The following NTSR2 variants were observed in gnomAD, a reference collection of about 807,000 sequenced individuals.
NTSR2 encodes neurotensin receptor type 2.
In NTSR2, 22 loss-of-function variants were observed where a neutral mutation model predicts 24.1. The ratio of observed to expected loss-of-function variants is 0.91; its 90% CI spans 0.65 to 1.30. NTSR2 has a LOEUF of 1.30. NTSR2 is among the 50% of genes most tolerant of loss of function. The pLI, the probability that NTSR2 is intolerant of heterozygous loss-of-function variation, is 0.00. For missense variants in NTSR2, 570 were observed against 570.4 expected (o/e 1.00, Z 0.01); for synonymous variants, 291 against 267.0 (o/e 1.09, Z -0.88).
intron 1 of NTSR2, among the ~76,000 whole-genome samples, chr2:11,663,136 A>G (rs1661116490): frequency 1.3e-5 from 2 of 152,248 alleles, no homozygotes; most frequent in African/African-American, 4.8e-5. Context: ...ACAATTTTTG[A>G]CATGCAAATT....
At chr2:11,660,015 T>A in intron 3 of NTSR2, 28 bp downstream of exon 3, 1 of 1,596,290 alleles carries the variant, frequency 6.3e-7, no homozygotes, top group East Asian at 2.2e-5. Context: ...CCCCTCCCTG[T>A]GTGCTAGGGT....
Position 11,665,066 on chromosome 2 carries a change from T to G in NTSR2, c.625-2826A>C, listed in dbSNP as rs868293066. 3.7e-3 allele frequency among the ~76,000 whole-genome samples: 550 copies of G among 147,348 alleles called. 2 individuals carry two copies. Among genetic ancestry groups the G allele is most frequent in the African/African-American group, 0.011 (441 of 39,184 alleles). On this transcript the variant is annotated intron_variant, in intron 1 of 3. Transcript: ENST00000306928. ...GGCACTTTGGCACTGTTTTTTTTTT[T>G]TTTTTTTTTTTTTTTTTCCAAGCTT...
At position 11,670,148 on chromosome 2, in the gene NTSR2, G is replaced by T. The variant is rs1661306624; in HGVS notation, c.-19C>A. On this transcript the variant is annotated 5_prime_UTR_variant, in exon 1 of 4. Coordinates refer to ENST00000306928, the MANE Select transcript of NTSR2 (RefSeq NM_012344.4). ...TTTCCATCCCGCTCCCGCGGCCGGC[G>T]CTCCCTCCCTCTCACTGCCCGGAGT... The T allele has an allele frequency of 2.2e-6, 3 of 1,363,906 alleles. No homozygotes were observed. Among genetic ancestry groups the T allele is most frequent in the South Asian group, 1.8e-5 (1 of 55,708 alleles). The allele number at this position is 1,363,906 out of a possible 1,614,324, so 84.5% of individuals were successfully genotyped here. A position where few individuals can be genotyped will look rare whatever the true frequency, so the allele number is the denominator to read the frequency against.
Position 11,669,748 on chromosome 2 carries a change from C to T in NTSR2, c.382G>A (p.Gly128Ser). 1.3e-6 allele frequency: 2 copies of T among 1,537,310 alleles called. No homozygotes were observed. The highest frequency in any genetic ancestry group is 1.7e-6 in the Non-Finnish European group (2 of 1,148,056). The change falls in exon 1 of 4, where the codon GGC becomes AGC. Residue 128 changes from glycine (G) to serine (S), a missense_variant. Transcript: ENST00000306928. ...CAYATVLSVA[G>S]LSAERCLAVC... ...GCTAGGCAGCGCTCGGCGCTCAGGC[C>T]TGCCACGCTCAGCACCGTGGCGTAG...
chr2:11,669,459 C>CGGGGGGGGGGGGGGGGGGGGGGGGGG, intron 1 of NTSR2, 47 bp downstream of exon 1: 7 of 337,896 alleles, frequency 2.1e-5, no homozygotes, highest in Admixed American at 4.9e-5. Flanking sequence ...CTCCCAGCAC[C>CGGGGGGGGGGGGGGGGGGGGGGGGGG]GCCCCCCCAC....
At chr2:11,669,411 T>G in intron 1 of NTSR2, 95 bp downstream of exon 1, 3 of 968,390 alleles carry the variant, frequency 3.1e-6, no homozygotes, top group Admixed American at 3.8e-5. Flanking sequence ...AGCATTAGAG[T>G]CGAAAATGTC....
chr2:11,665,240 T>C (rs532835716), intron 1 of NTSR2: 9 of 152,308 alleles, frequency 5.9e-5, no homozygotes, highest in African/African-American at 1.7e-4. Flanking sequence ...TGAGCGGCAA[T>C]GCGCTGGCTC....
Position 11,669,898 on chromosome 2 carries a change from C to G in NTSR2, c.232G>C (p.Ala78Pro). ...LRHHVLSLAL[A>P]GLLLLLVGVP... ...CCGACCAGCAGCAGCAGCAGGCCCGCGAGCGCCAGGCTGAGCACGTGGTGG... is the reference window on the plus strand; with the variant it reads ...CCGACCAGCAGCAGCAGCAGGCCCGGGAGCGCCAGGCTGAGCACGTGGTGG... The change falls in exon 1 of 4, where the codon GCG (alanine) becomes CCG (proline). Residue 78 changes from alanine (A) to proline (P), a missense_variant. Ala to Pro is a conservative substitution (Grantham distance 27, BLOSUM62 -1). Coordinates refer to ENST00000306928, the MANE Select transcript of NTSR2 (RefSeq NM_012344.4). 1 of 1,572,682 alleles carries G rather than the reference C, an allele frequency of 6.4e-7. No homozygotes were observed.
Position 11,658,413 on chromosome 2 carries a change from C to A in NTSR2, c.*66G>T. 1.3e-6 allele frequency: 2 copies of A among 1,525,820 alleles called. No individual in the cohort carries two copies. The highest frequency in any genetic ancestry group is 2.6e-5 in the South Asian group (2 of 75,660). The allele number at this position is 1,525,820 out of a possible 1,614,324, so 94.5% of individuals were successfully genotyped here. A position where few individuals can be genotyped will look rare whatever the true frequency, so the allele number is the denominator to read the frequency against. ...TTGAATGATTAGTGATGAGGTTGCT[C>A]ACCTGCTTTGCCAGGTGACTAAGCA... is the stretch of plus-strand genomic sequence containing the variant. On this transcript the variant is annotated 3_prime_UTR_variant, in exon 4 of 4. Transcript: ENST00000306928.
chr2:11,664,564 C>T (rs1661154519), intron 1 of NTSR2, among the ~76,000 whole-genome samples: 1 of 152,118 alleles, frequency 6.6e-6, no homozygotes, highest in Non-Finnish European at 1.5e-5. Context: ...TAAAACACTA[C>T]CTGTGACCAT....
chr2:11,661,620 C>T (rs1396450625), intron 2 of NTSR2, among the ~76,000 whole-genome samples: 2 of 152,156 alleles, frequency 1.3e-5, no homozygotes, highest in Non-Finnish European at 2.9e-5. Context: ...AGGTACCCAG[C>T]CCATCTGAGA....
intron 1 of NTSR2, among the ~76,000 whole-genome samples, chr2:11,667,688 A>G (rs1223029182): frequency 1.3e-5 from 2 of 152,210 alleles, no homozygotes; most frequent in African/African-American, 2.4e-5. Flanking sequence ...ATAAACAAGG[A>G]AACAAATAAA....
At chr2:11,666,225 A>G (rs1020996665) in intron 1 of NTSR2, among the ~76,000 whole-genome samples, 14 of 152,144 alleles carry the variant, frequency 9.2e-5, no homozygotes, top group Non-Finnish European at 5.9e-5. Flanking sequence ...TCTCCTTGCC[A>G]GTCCTTCCAG....
intron 1 of NTSR2, among the ~76,000 whole-genome samples, chr2:11,669,068 C>A (rs973191435): frequency 6.6e-6 from 1 of 152,144 alleles, no homozygotes; most frequent in East Asian, 1.9e-4. Flanking sequence ...CCTGATCAGG[C>A]CTCTGGAAGA....
rs1457940230 is a variant in NTSR2, at chr2:11,661,992, G to T, written c.873C>A (p.Ser291Arg). 6.2e-7 allele frequency: 1 copy of T among 1,607,718 alleles called. No individual in the cohort carries two copies. Among genetic ancestry groups the T allele is most frequent in the Non-Finnish European group, 8.5e-7 (1 of 1,176,960 alleles). Residue 291 changes from serine to arginine, a missense_variant, in exon 2 of 4, where the codon AGC becomes AGA. Coordinates refer to ENST00000306928, the MANE Select transcript of NTSR2 (RefSeq NM_012344.4). ...VRHKDVRRIR[S>R]LQRSVQVLRA... ...TGAGAACCTGGACGCTGCGCTGGAG[G>T]CTGCGGATCCGGCGCACGTCTTTAT...
At chr2:11,667,774 A>G (rs1000167119) in intron 1 of NTSR2, among the ~76,000 whole-genome samples, 1 of 152,124 alleles carries the variant, frequency 6.6e-6, no homozygotes, top group Non-Finnish European at 1.5e-5. Flanking sequence ...TCCATACTCC[A>G]CATCCACGGG....
chr2:11,669,546 G>A lies in NTSR2; in HGVS notation c.584C>T (p.Thr195Met), dbSNP rs1661278519. 2 of 1,345,638 alleles carry A rather than the reference G, an allele frequency of 1.5e-6. No homozygotes were observed. The highest frequency in any genetic ancestry group is 4.0e-5 in the East Asian group (1 of 25,254). 83.4% of individuals were successfully genotyped at this position (1,345,638 alleles called of 1,614,324 possible). The change falls in exon 1 of 4, where the codon ACG becomes ATG. Residue 195 changes from threonine to methionine, a missense_variant. Coordinates refer to ENST00000306928, the MANE Select transcript of NTSR2 (RefSeq NM_012344.4). ...GAGCGCGGTGCGGCTCACCAGCACC[G>A]TGCACACTCGCGAGGCGGGCTCCGG... Reference protein sequence around the residue: ...GEPEPASRVCTVLVSRTALQV... With the variant: ...GEPEPASRVCMVLVSRTALQV...
chr2:11,668,140 G>A (rs1299120817), intron 1 of NTSR2, among the ~76,000 whole-genome samples: 1 of 152,228 alleles, frequency 6.6e-6, no homozygotes, highest in African/African-American at 2.4e-5. Flanking sequence ...TGGAAACAAA[G>A]CGGCTCCACT....
rs759769889 is a variant in NTSR2, at chr2:11,669,638, G to C, written c.492C>G (p.Leu164=). Residue 164 remains leucine (L), a synonymous_variant, in exon 1 of 4, where the codon CTC becomes CTG. Coordinates refer to ENST00000306928, the MANE Select transcript of NTSR2 (RefSeq NM_012344.4). ...WLVALSWAAS[L]GLALPMAVIM... is the part of the protein sequence containing the mutation. ...TGACGGCCATGGGCAGGGCGAGGCCGAGCGAGGCGGCCCACGAGAGCGCCA... is the reference window on the plus strand; with the variant it reads ...TGACGGCCATGGGCAGGGCGAGGCCCAGCGAGGCGGCCCACGAGAGCGCCA... 1 of 1,562,950 alleles carries C rather than the reference G, an allele frequency of 6.4e-7. No individual in the cohort carries two copies. Among genetic ancestry groups the C allele is most frequent in the Admixed American group, 1.8e-5 (1 of 55,594 alleles).
Sources: gnomAD v4.1 joint callset for allele counts (sites outside exome capture counted in the v4.1 genomes callset) on GRCh38, gnomAD v4.1.1 for gene constraint, MANE v1.5 for transcripts, NCBI Gene and HGNC (gene_info 2026-07-23, HGNC 2026-07-21) for gene names.